The following GBF1 variants were observed in gnomAD, a reference collection of about 807,000 sequenced individuals.
GBF1 encodes golgi brefeldin A resistant guanine nucleotide exchange factor 1.
GBF1 carries 114 observed loss-of-function variants against 210.5 expected under a neutral mutation model. That is an observed-to-expected ratio of 0.54 (90% CI 0.47 to 0.63). GBF1 has a LOEUF of 0.63. GBF1 is among the 30% of genes least tolerant of loss of function. The pLI, the probability that GBF1 is intolerant of heterozygous loss-of-function variation, is 0.00. For missense variants in GBF1, 1,851 were observed against 2,357.7 expected (o/e 0.79, Z 4.45); for synonymous variants, 850 against 889.2 (o/e 0.96, Z 0.78).
At chr10:102,288,111 G>C (rs2076112824) in intron 3 of GBF1, among the ~76,000 whole-genome samples, 1 of 152,146 alleles carries the variant, frequency 6.6e-6, no homozygotes, top group Admixed American at 6.5e-5. Context: ...TCTAAAGCAA[G>C]CCAGTAAGCA....
intron 3 of GBF1, among the ~76,000 whole-genome samples, chr10:102,330,692 A>C (rs547581804): frequency 6.6e-6 from 1 of 152,250 alleles, no homozygotes; most frequent in East Asian, 1.9e-4. Flanking sequence ...ATCTCAAAAA[A>C]AAAATAAATA....
At chr10:102,275,404 G>C (rs547858274) in intron 3 of GBF1, among the ~76,000 whole-genome samples, 20 of 152,288 alleles carry the variant, frequency 1.3e-4, no homozygotes, top group African/African-American at 4.8e-4. Context: ...CCCAGAGAAA[G>C]CACCTAGAAG....
chr10:102,258,932 T>G lies in GBF1; in HGVS notation c.-7T>G, dbSNP rs2072830517. 6.5e-7 allele frequency: 1 copy of G among 1,547,966 alleles called. No individual in the cohort carries two copies. On this transcript the variant is annotated 5_prime_UTR_variant, in exon 2 of 40. Transcript: ENST00000369983. The stretch of plus-strand genomic sequence containing the variant: ...ATTATCTTAACTGTTTTGGTAGGTT[T>G]GCCAAGATGGTGGATAAGAATATTT...
At chr10:102,248,827 G>T (rs956273765) in intron 1 of GBF1, among the ~76,000 whole-genome samples, 2 of 152,060 alleles carry the variant, frequency 1.3e-5, no homozygotes, top group Non-Finnish European at 2.9e-5. Context: ...TAGAGACAAG[G>T]TCTCACTGTA....
intron 3 of GBF1, among the ~76,000 whole-genome samples, chr10:102,323,162 C>T (rs1371686666): frequency 1.6e-5 from 2 of 127,012 alleles, no homozygotes; most frequent in Admixed American, 8.5e-5. Flanking sequence ...CCTCAATCTC[C>T]AGGGCTTTTC....
chr10:102,257,720 A>AT (rs1175997699), intron 1 of GBF1, among the ~76,000 whole-genome samples: 2 of 152,010 alleles, frequency 1.3e-5, no homozygotes, highest in African/African-American at 4.8e-5. Context: ...TTCAAGTTAA[A>AT]TTTTTATTGA....
the GBF1 span, among the ~76,000 whole-genome samples, chr10:102,240,284 C>T: frequency 3.3e-5 from 5 of 152,316 alleles, no homozygotes; most frequent in African/African-American, 1.2e-4. Flanking sequence ...TTCCCACTAG[C>T]AGGCTCCTCA....
intron 10 of GBF1, 70 bp from the exon 11 acceptor site, chr10:102,359,197 T>C (rs2134987846): frequency 9.3e-7 from 1 of 1,074,750 alleles, no homozygotes; most frequent in Non-Finnish European, 1.4e-6. Context: ...AGACAGCTAC[T>C]TCAGGGGAGT....
intron 3 of GBF1, among the ~76,000 whole-genome samples, chr10:102,293,769 G>GTTTTTTTTTTTTT (rs2076658017): frequency 3.6e-5 from 1 of 27,770 alleles, no homozygotes; most frequent in Non-Finnish European, 6.2e-5. Flanking sequence ...AGTATGTTTT[G>GTTTTTTTTTTTTT]TGTTTTTTTT....
At chr10:102,380,423 T>A (rs2060774409) in intron 37 of GBF1, 61 bp downstream of exon 37, 8 of 1,581,472 alleles carry the variant, frequency 5.1e-6, no homozygotes, top group Non-Finnish European at 7.0e-6. Flanking sequence ...GGACTTGCCC[T>A]TTCCCCCTTG....
chr10:102,367,590 C>T (rs746512688), intron 21 of GBF1, 30 bp downstream of exon 21: 1 of 1,225,228 alleles, frequency 8.2e-7, no homozygotes, highest in Non-Finnish European at 1.2e-6. Context: ...AGTGCAGTAT[C>T]TCTGTTAAGA....
At chr10:102,289,636 T>C (rs561590086) in intron 3 of GBF1, among the ~76,000 whole-genome samples, 8 of 152,228 alleles carry the variant, frequency 5.3e-5, no homozygotes, top group South Asian at 2.1e-4. Flanking sequence ...TGGCCTCATA[T>C]TCCTGTTGTC....
At chr10:102,381,357 G>A (rs2060835076) in intron 39 of GBF1, 102 bp downstream of exon 39, 1 of 1,235,222 alleles carries the variant, frequency 8.1e-7, no homozygotes, top group Admixed American at 2.1e-5. Flanking sequence ...GGGTCTGTGA[G>A]CCGAGGGAAG....
intron 1 of GBF1, among the ~76,000 whole-genome samples, chr10:102,251,469 T>TC (rs1012428446): frequency 2.6e-5 from 4 of 152,226 alleles, no homozygotes; most frequent in African/African-American, 9.6e-5. Context: ...TCATGGTCTT[T>TC]CCCCCTGAGA....
At chr10:102,290,852 A>G (rs996006915) in intron 3 of GBF1, among the ~76,000 whole-genome samples, 5 of 152,198 alleles carry the variant, frequency 3.3e-5, no homozygotes, top group Non-Finnish European at 7.3e-5. Context: ...CCATAAGTAG[A>G]GTGGGTTTTG....
intron 29 of GBF1, 125 bp from the exon 30 acceptor site, chr10:102,375,234 A>G: frequency 1.6e-6 from 1 of 642,874 alleles, no homozygotes; most frequent in African/African-American, 1.8e-5. Context: ...GCAGTATCCT[A>G]AATTGGGTCC....
intron 3 of GBF1, among the ~76,000 whole-genome samples, chr10:102,264,183 C>T (rs2073591010): frequency 6.6e-6 from 1 of 152,070 alleles, no homozygotes; most frequent in African/African-American, 2.4e-5. Context: ...ATAAAGGAGG[C>T]AAATGTAGGC....
Position 102,376,552 on chromosome 10 carries a change from C to G in GBF1, c.4048-8C>G. 1 of 1,614,050 alleles carries G rather than the reference C, an allele frequency of 6.2e-7. No homozygotes were observed. The highest frequency in any genetic ancestry group is 8.5e-7 in the Non-Finnish European group (1 of 1,179,944). Reference sequence around the variant, plus strand: ...CCTGTGTCCCCAGCTCCTCTGTGTACTTTACAGGTTGGGAAGGATGACGTT... The same window carrying G: ...CCTGTGTCCCCAGCTCCTCTGTGTAGTTTACAGGTTGGGAAGGATGACGTT... On this transcript the variant is annotated splice_polypyrimidine_tract_variant and splice_region_variant and intron_variant, in intron 31 of 39. Coordinates refer to ENST00000369983, the MANE Select transcript of GBF1 (RefSeq NM_001377137.1).
At chr10:102,319,627 G>A (rs1411095663) in intron 3 of GBF1, among the ~76,000 whole-genome samples, 1 of 151,760 alleles carries the variant, frequency 6.6e-6, no homozygotes, top group East Asian at 1.9e-4. Context: ...TAGACCTCAG[G>A]CACAGCTGTC....
Sources: gnomAD v4.1 joint callset for allele counts (sites outside exome capture counted in the v4.1 genomes callset) on GRCh38, gnomAD v4.1.1 for gene constraint, MANE v1.5 for transcripts, NCBI Gene and HGNC (gene_info 2026-07-23, HGNC 2026-07-21) for gene names.